The following IPO11 variants were observed in gnomAD, a reference collection of about 807,000 sequenced individuals.
The protein encoded by IPO11 is importin 11.
IPO11 carries 66 observed loss-of-function variants against 143.2 expected under a neutral mutation model. The observed-to-expected ratio is 0.46, with a 90% CI of 0.38 to 0.57. The LOEUF (loss-of-function observed/expected upper bound fraction) is 0.57. IPO11 is among the 20% of genes least tolerant of loss of function. The pLI is 0.00. For synonymous variants in IPO11, 385 were observed against 377.8 expected (o/e 1.02, Z -0.22); for missense variants, 1,026 against 1,141.0 (o/e 0.90, Z 1.45).
intron 16 of IPO11, 28 bp from the exon 17 acceptor site, chr5:62,504,639 T>G: frequency 7.5e-7 from 1 of 1,332,450 alleles, no homozygotes; most frequent in Non-Finnish European, 1.0e-6. Context: ...CTAAAATAAT[T>G]AAAAACTAAT....
At chr5:62,579,635 A>G (rs1744463134) in intron 27 of IPO11, 1 of 1,550,052 alleles carries the variant, frequency 6.5e-7, no homozygotes, top group African/African-American at 1.4e-5. Flanking sequence ...GTTTTTCTGT[A>G]TCTGACTGGG....
In IPO11 at chr5:62,451,933, T is replaced by C. The variant is rs141507359; in HGVS notation, c.516T>C (p.Asp172=). ...CTGCTGATAGAAAACTATTTTATGA[T>C]GTAAGTGATTTCACATAGTTAAATT... ...RLAADRKLFY[D]LASGIYNFAC... The change falls in exon 5 of 30, where the codon GAT becomes GAC. Residue 172 remains aspartate (D), a splice_region_variant and synonymous_variant. Transcript: ENST00000325324. 1.7e-4 allele frequency: 277 copies of C among 1,608,944 alleles called. 1 individual carries two copies. The African/African-American group carries it at 3.1e-3, about 18-fold the overall frequency.
intron 7 of IPO11, among the ~76,000 whole-genome samples, chr5:62,472,620 C>G (rs1346386707): frequency 1.3e-5 from 2 of 151,506 alleles, no homozygotes; most frequent in African/African-American, 4.9e-5. Context: ...CTCTGCCTCC[C>G]AAGGTCAAGC....
intron 29 of IPO11, among the ~76,000 whole-genome samples, chr5:62,619,914 C>T (rs142942995): frequency 9.2e-5 from 14 of 152,018 alleles, no homozygotes; most frequent in African/African-American, 2.9e-4. Flanking sequence ...TTCTAAATGC[C>T]AGAAAATTCT....
At chr5:62,426,813 TA>T (rs1287409524) in intron 1 of IPO11, among the ~76,000 whole-genome samples, 3 of 148,954 alleles carry the variant, frequency 2.0e-5, no homozygotes, top group East Asian at 1.9e-4. Context: ...TTTTAATTTT[TA>T]TTTTTTTATA....
At chr5:62,591,555 T>G in intron 27 of IPO11, 22 bp from the exon 28 acceptor site, 2 of 1,396,678 alleles carry the variant, frequency 1.4e-6, no homozygotes, top group Non-Finnish European at 1.0e-6. Flanking sequence ...AGTTAACCTG[T>G]TTTGCTTTTC....
At chr5:62,580,543 G>A (rs1212647220) in intron 27 of IPO11, 2 of 1,551,254 alleles carry the variant, frequency 1.3e-6, no homozygotes, top group Non-Finnish European at 1.7e-6. Context: ...CAAACTTTTG[G>A]GCCTTCGAGA....
chr5:62,556,089 T>A (rs946766326), intron 26 of IPO11, among the ~76,000 whole-genome samples: 2 of 152,200 alleles, frequency 1.3e-5, no homozygotes, highest in African/African-American at 4.8e-5. Context: ...AACATTGATA[T>A]TTTTCTTTGG....
intron 15 of IPO11, among the ~76,000 whole-genome samples, chr5:62,491,402 G>C (rs192637205): frequency 2.2e-4 from 33 of 152,246 alleles, no homozygotes; most frequent in African/African-American, 7.9e-4. Flanking sequence ...CTTTGATGGA[G>C]AGAAAGCTTT....
At chr5:62,499,655 A>G (rs953443534) in intron 16 of IPO11, among the ~76,000 whole-genome samples, 2 of 144,314 alleles carry the variant, frequency 1.4e-5, no homozygotes, top group African/African-American at 5.1e-5. Flanking sequence ...GGCTCACTGC[A>G]AGCTCTGCCT....
chr5:62,493,401 T>C (rs542344624), intron 15 of IPO11, among the ~76,000 whole-genome samples: 11 of 152,268 alleles, frequency 7.2e-5, no homozygotes, highest in African/African-American at 2.2e-4. Context: ...CCAAATGGAT[T>C]TGGTTTTTAT....
intron 24 of IPO11, among the ~76,000 whole-genome samples, chr5:62,539,824 T>C (rs559968384): frequency 4.6e-5 from 7 of 152,336 alleles, no homozygotes; most frequent in African/African-American, 1.7e-4. Flanking sequence ...GAACTCAGTC[T>C]TATACAATTT....
chr5:62,624,844 G>T (rs1351895107), intron 29 of IPO11, among the ~76,000 whole-genome samples: 1 of 151,952 alleles, frequency 6.6e-6, no homozygotes, highest in Non-Finnish European at 1.5e-5. Flanking sequence ...ATTTAACTGG[G>T]CATAGTGGCA....
intron 29 of IPO11, among the ~76,000 whole-genome samples, chr5:62,625,883 T>C (rs1393877948): frequency 1.3e-5 from 2 of 152,238 alleles, no homozygotes; most frequent in Non-Finnish European, 2.9e-5. Context: ...TTCTAATTGC[T>C]GAGTCCATTT....
At chr5:62,430,985 T>C (rs1743965670) in intron 1 of IPO11, among the ~76,000 whole-genome samples, 3 of 151,608 alleles carry the variant, frequency 2.0e-5, no homozygotes, top group Admixed American at 6.6e-5. Context: ...TGCCTGGCCT[T>C]ATTTTATTTT....
chr5:62,572,545 G>A (rs446502), intron 27 of IPO11, among the ~76,000 whole-genome samples: 10,647 of 85,916 alleles, frequency 0.12, 434 homozygotes, highest in East Asian at 0.18. Flanking sequence ...ATATTTGTTT[G>A]TTTATTTATT....
intron 1 of IPO11, among the ~76,000 whole-genome samples, chr5:62,420,538 C>T (rs964518128): frequency 6.6e-5 from 10 of 151,470 alleles, no homozygotes; most frequent in Admixed American, 2.0e-4. Context: ...TAAAATCTTA[C>T]GGGATCACTG....
At chr5:62,512,910 T>C (rs1372153847) in intron 19 of IPO11, among the ~76,000 whole-genome samples, 2 of 141,060 alleles carry the variant, frequency 1.4e-5, no homozygotes, top group Non-Finnish European at 1.6e-5. Flanking sequence ...GGTAAGGTCA[T>C]AGATCAACAA....
chr5:62,428,925 C>A (rs1743865307), intron 1 of IPO11, among the ~76,000 whole-genome samples: 1 of 152,138 alleles, frequency 6.6e-6, no homozygotes, highest in Admixed American at 6.6e-5. Flanking sequence ...CCTAAACCTC[C>A]CAAAGTGCCG....
Sources: gnomAD v4.1 joint callset for allele counts (sites outside exome capture counted in the v4.1 genomes callset) on GRCh38, gnomAD v4.1.1 for gene constraint, MANE v1.5 for transcripts, NCBI Gene and HGNC (gene_info 2026-07-23, HGNC 2026-07-21) for gene names.